The following ZNF804A variants were observed in gnomAD, a reference collection of about 807,000 sequenced individuals.
ZNF804A encodes zinc finger protein 804A.
A neutral mutation model predicts 16.5 loss-of-function variants in ZNF804A; 2 were observed. The ratio of observed to expected loss-of-function variants is 0.12; its 90% CI spans 0.05 to 0.38. The LOEUF (loss-of-function observed/expected upper bound fraction) is 0.38, where lower values mean the gene tolerates loss of function less well. ZNF804A is among the 10% of genes least tolerant of loss of function. The probability of loss-of-function intolerance (pLI) is 0.99; values close to 1 mark genes in which losing one functional copy is unlikely to be tolerated. For missense variants in ZNF804A, 1,473 were observed against 1,390.7 expected, an observed-to-expected ratio of 1.06 and a Z score of -0.94; for synonymous variants, 534 against 489.6, an observed-to-expected ratio of 1.09 and a Z score of -1.20.
intron 2 of ZNF804A, among the ~76,000 whole-genome samples, chr2:184,879,629 G>A (rs1684777209): frequency 6.6e-6 from 1 of 151,958 alleles, no homozygotes; most frequent in African/African-American, 2.4e-5. Context: ...CTGTTCAGCA[G>A]GAAAAAGAGT....
chr2:184,817,667 A>G (rs1695004085), intron 1 of ZNF804A, among the ~76,000 whole-genome samples: 1 of 151,992 alleles, frequency 6.6e-6, no homozygotes, highest in Non-Finnish European at 1.5e-5. Context: ...TGGTAAAGCA[A>G]TACAGGAGCT....
At chr2:184,877,104 A>G (rs970200419) in intron 2 of ZNF804A, among the ~76,000 whole-genome samples, 1 of 151,890 alleles carries the variant, frequency 6.6e-6, no homozygotes, top group Non-Finnish European at 1.5e-5. Flanking sequence ...TTGGAAGTAT[A>G]TTTTTCTTAT....
intron 1 of ZNF804A, among the ~76,000 whole-genome samples, chr2:184,854,028 G>C (rs1695647871): frequency 6.6e-6 from 1 of 151,812 alleles, no homozygotes; most frequent in Admixed American, 6.6e-5. Context: ...CAGCAGTAAA[G>C]CCATCAGGTC....
intron 1 of ZNF804A, among the ~76,000 whole-genome samples, chr2:184,857,487 G>T (rs1695717008): frequency 6.6e-6 from 1 of 152,006 alleles, no homozygotes; most frequent in Non-Finnish European, 1.5e-5. Flanking sequence ...ATGTTGGTTA[G>T]GTCCATTTGG....
intron 1 of ZNF804A, among the ~76,000 whole-genome samples, chr2:184,820,449 C>T (rs909127737): frequency 6.6e-6 from 1 of 152,042 alleles, no homozygotes. Flanking sequence ...GACAAACTTA[C>T]AGCCAATATC....
chr2:184,667,381 G>A (rs1359034316), intron 1 of ZNF804A, among the ~76,000 whole-genome samples: 2 of 151,886 alleles, frequency 1.3e-5, no homozygotes, highest in African/African-American at 2.4e-5. Context: ...TTTTTAAAAG[G>A]TCTTATTATT....
intron 1 of ZNF804A, among the ~76,000 whole-genome samples, chr2:184,716,178 G>A (rs1190352162): frequency 2.0e-5 from 3 of 152,086 alleles, no homozygotes; most frequent in African/African-American, 7.2e-5. Context: ...TATGACTCCA[G>A]AATCATAAAA....
At chr2:184,704,174 C>T (rs149151947) in intron 1 of ZNF804A, among the ~76,000 whole-genome samples, 2 of 150,450 alleles carry the variant, frequency 1.3e-5, no homozygotes, top group Non-Finnish European at 3.0e-5. Context: ...TTTTTGACAC[C>T]GAGTTTCACT....
In ZNF804A at chr2:184,699,854, G is replaced by A. The variant is rs542366857; in HGVS notation, c.111+100784G>A. Among the ~76,000 whole-genome samples the A allele has an allele frequency of 2.6e-5, 4 of 152,108 alleles. No homozygotes were observed. In the South Asian group the frequency reaches 8.3e-4, roughly 32 times the overall value. On this transcript the variant is annotated intron_variant, in intron 1 of 3. Transcript: ENST00000302277. The stretch of plus-strand genomic sequence containing the variant: ...CAACTTTGTATAGATGAAAACACTG[G>A]AGTTGGAGAAACGGTAGGAAATGCC...
chr2:184,907,749 G>A (rs761687893), intron 2 of ZNF804A, among the ~76,000 whole-genome samples: 21 of 152,130 alleles, frequency 1.4e-4, no homozygotes, highest in Admixed American at 2.6e-4. Flanking sequence ...AATCGTTAAA[G>A]GTTACATCAT....
intron 1 of ZNF804A, among the ~76,000 whole-genome samples, chr2:184,864,408 G>C (rs565022432): frequency 6.6e-6 from 1 of 152,184 alleles, no homozygotes; most frequent in African/African-American, 2.4e-5. Flanking sequence ...CCCACCTCCA[G>C]CATTGAAAAT....
chr2:184,864,768 G>A (rs1267108704), intron 1 of ZNF804A, among the ~76,000 whole-genome samples: 3 of 151,916 alleles, frequency 2.0e-5, no homozygotes, highest in Admixed American at 2.0e-4. Flanking sequence ...GTGTATTTAA[G>A]GAGGATAAGT....
chr2:184,629,141 C>T (rs771981773), intron 1 of ZNF804A, among the ~76,000 whole-genome samples: 11 of 152,044 alleles, frequency 7.2e-5, no homozygotes, highest in Non-Finnish European at 1.0e-4. Flanking sequence ...TATTGATTCA[C>T]GGGCATTCTT....
chr2:184,784,695 A>T (rs1158476381), intron 1 of ZNF804A, among the ~76,000 whole-genome samples: 1 of 151,996 alleles, frequency 6.6e-6, no homozygotes, highest in African/African-American at 2.4e-5. Context: ...ATGTTTTGCT[A>T]TAAATTTTGT....
intron 1 of ZNF804A, among the ~76,000 whole-genome samples, chr2:184,664,052 G>T (rs981102831): frequency 1.3e-5 from 2 of 152,126 alleles, no homozygotes; most frequent in Non-Finnish European, 2.9e-5. Context: ...TATATACTTT[G>T]TCTCTTTTGT....
At chr2:184,779,283 C>T (rs1694338425) in intron 1 of ZNF804A, among the ~76,000 whole-genome samples, 1 of 151,626 alleles carries the variant, frequency 6.6e-6, no homozygotes, top group African/African-American at 2.4e-5. Context: ...ACCACTTGTA[C>T]TTTCATTCTT....
chr2:184,879,335 G>A (rs1352501506), intron 2 of ZNF804A, among the ~76,000 whole-genome samples: 5 of 151,884 alleles, frequency 3.3e-5, no homozygotes, highest in African/African-American at 1.2e-4. Context: ...CTTTATTATG[G>A]TCACACTGTA....
intron 1 of ZNF804A, among the ~76,000 whole-genome samples, chr2:184,628,629 A>G (rs1382529842): frequency 6.6e-6 from 1 of 152,122 alleles, no homozygotes; most frequent in Non-Finnish European, 1.5e-5. Context: ...TTTAACTCAC[A>G]ATATGTTCTT....
chr2:184,790,413 AATGTCTCTATTGATATCAGTGGG>A lies in ZNF804A; in HGVS notation c.112-75951_112-75929del, dbSNP rs1482942591. On this transcript the variant is annotated intron_variant, in intron 1 of 3. Coordinates refer to ENST00000302277, the MANE Select transcript of ZNF804A (RefSeq NM_194250.2). ...GAGGTTTTTGGTGATTTTCTGCCTC[AATGTCTCTATTGATATCAGTGGG>A]ATGTTGAGGTCCCCCAGTATTATTT... Among the ~76,000 whole-genome samples, 3 of 151,794 alleles carry A rather than the reference AATGTCTCTATTGATATCAGTGGG, an allele frequency of 2.0e-5. No individual in the cohort carries two copies. In the East Asian group the frequency reaches 5.8e-4, roughly 29 times the overall value.
Sources: allele counts gnomAD v4.1 joint callset (sites outside exome capture counted in the v4.1 genomes callset), GRCh38; gene constraint gnomAD v4.1.1; transcripts MANE v1.5; gene names NCBI Gene and HGNC (gene_info 2026-07-23, HGNC 2026-07-21).